The following FAM131B variants were observed in gnomAD, a reference collection of about 807,000 sequenced individuals.
The protein encoded by FAM131B is protein FAM131B.
A neutral mutation model predicts 42.0 loss-of-function variants in FAM131B; 19 were observed. That is an observed-to-expected ratio of 0.45 (90% confidence interval 0.32 to 0.66). FAM131B has a LOEUF of 0.66. Among genes scored for constraint, FAM131B ranks in the 30% least tolerant of loss-of-function variants. The probability of loss-of-function intolerance (pLI) is 0.05; values close to 1 mark genes in which losing one functional copy is unlikely to be tolerated. For missense variants in FAM131B, 370 were observed against 468.4 expected, an observed-to-expected ratio of 0.79 and a Z score of 1.94; for synonymous variants, 183 against 177.6, an observed-to-expected ratio of 1.03 and a Z score of -0.24.
chr7:143,381,553 C>T, the FAM131B span: 2 of 1,605,778 alleles, frequency 1.2e-6, no homozygotes, highest in Admixed American at 1.7e-5. Context: ...GCGACCCACC[C>T]CAGCAGCCCG....
Position 143,356,392 on chromosome 7 carries a change from T to C in FAM131B, c.*158A>G. 4 of 616,464 alleles carry C rather than the reference T, an allele frequency of 6.5e-6. No homozygotes were observed. Among genetic ancestry groups the C allele is most frequent in the Non-Finnish European group, 1.1e-5 (4 of 352,148 alleles). 38.2% of individuals were successfully genotyped at this position (616,464 alleles called of 1,614,324 possible). ...TTCTAGAGTGTAAGCCTGGATAAAATCCCATCCTGGTCCTCCATTTCCAGG... is the reference window on the plus strand; with the variant it reads ...TTCTAGAGTGTAAGCCTGGATAAAACCCCATCCTGGTCCTCCATTTCCAGG... On this transcript the variant is annotated 3_prime_UTR_variant, in exon 7 of 7. Coordinates refer to ENST00000443739, the MANE Select transcript of FAM131B (RefSeq NM_001031690.3). This position sits in a 1 kb window ranked among gnomAD's most constrained non-coding sequence, Gnocchi z 4.4.
the FAM131B span, chr7:143,381,697 G>A: frequency 6.2e-7 from 1 of 1,606,518 alleles, no homozygotes; most frequent in Non-Finnish European, 8.5e-7. Context: ...TCCGGCCCGG[G>A]GACAGCGAGC....
At chr7:143,360,570 G>A (rs920219008) in intron 1 of FAM131B, 2 of 232,568 alleles carry the variant, frequency 8.6e-6, no homozygotes, top group Non-Finnish European at 1.5e-5. Context: ...CTCCCCCGGT[G>A]GGCCCTTCCT....
rs150245659 is a variant in FAM131B at position 143,360,231 on chromosome 7, C to A, written c.29-82G>T. 1.4e-4 allele frequency: 223 copies of A among 1,539,450 alleles called. 1 individual carries two copies. In the African/African-American group the frequency reaches 2.8e-3, roughly 19 times the overall value. On this transcript the variant is annotated intron_variant, in intron 1 of 6. Transcript: ENST00000443739. Reference sequence around the variant, plus strand: ...CACCCTGGGGCCAGCCCTTCACACCCCTTCCTTACCCCAGCTGCCCATTTC... The same window carrying A: ...CACCCTGGGGCCAGCCCTTCACACCACTTCCTTACCCCAGCTGCCCATTTC...
In FAM131B at chr7:143,359,217, AG is replaced by A; in HGVS notation, c.268+108del. Reference sequence around the variant, plus strand: ...GGCTTGACAGAAGGGTGAATAGGTCAGGGGGTGGGGATGAGGGTCTTCATCA... The same window carrying A: ...GGCTTGACAGAAGGGTGAATAGGTCAGGGGTGGGGATGAGGGTCTTCATCA... On this transcript the variant is annotated intron_variant, in intron 4 of 6. Coordinates refer to ENST00000443739, the MANE Select transcript of FAM131B (RefSeq NM_001031690.3). This position sits in a 1 kb window ranked among gnomAD's most constrained non-coding sequence, Gnocchi z 5.4. 9.7e-7 allele frequency: 1 copy of A among 1,028,350 alleles called. No homozygotes were observed. The highest frequency in any genetic ancestry group is 1.5e-6 in the Non-Finnish European group (1 of 674,290). 63.7% of individuals were successfully genotyped at this position (1,028,350 alleles called of 1,614,324 possible).
the FAM131B span, chr7:143,380,439 G>C: frequency 1.0e-5 from 10 of 985,298 alleles, no homozygotes; most frequent in Non-Finnish European, 9.6e-6. The surrounding 1 kb of genome is among the most constrained non-coding windows in gnomAD (Gnocchi z 5.0). Flanking sequence ...CGTCGCCCGG[G>C]GTCTCCAAGA....
chr7:143,381,624 CT>C, the FAM131B span: 1 of 1,612,304 alleles, frequency 6.2e-7, no homozygotes. Context: ...TCGGCTCCGG[CT>C]TTTTACGCCC....
At position 143,354,332 on chromosome 7, in the gene FAM131B, T is replaced by C. The variant is rs1803559872; in HGVS notation, c.*2218A>G. The C allele has an allele frequency of 6.6e-6, 1 of 152,208 alleles. No homozygotes were observed. Among genetic ancestry groups the C allele is most frequent in the Non-Finnish European group, 1.5e-5 (1 of 68,054 alleles). The allele number at this position is 152,208 out of a possible 1,614,324, so 9.4% of individuals were successfully genotyped here. A position where few individuals can be genotyped will look rare whatever the true frequency, so the allele number is the denominator to read the frequency against. ...GGAACGAAAGCTGCTGTGGTCTACC[T>C]TTCCTAACTCCCCCGGGCCTGAGCA... On this transcript the variant is annotated 3_prime_UTR_variant, in exon 7 of 7. Coordinates refer to ENST00000443739, the MANE Select transcript of FAM131B (RefSeq NM_001031690.3).
rs897794481 is a variant in FAM131B, at chr7:143,357,421, C to T, written c.469G>A (p.Val157Ile). 21 of 1,604,512 alleles carry T rather than the reference C, an allele frequency of 1.3e-5. No homozygotes were observed. Among genetic ancestry groups the T allele is most frequent in the South Asian group, 3.3e-5 (3 of 89,560 alleles). Residue 157 changes from valine to isoleucine, a missense_variant and splice_region_variant, in exon 6 of 7, where the codon GTC becomes ATC. Val to Ile is a conservative substitution (Grantham distance 29). Transcript: ENST00000443739. Reference sequence around the variant, plus strand: ...TCAGAGATAGCAAACTGCTCCATGACGCCTGGGGGAAGAAATGCAACAACC... The same window carrying T: ...TCAGAGATAGCAAACTGCTCCATGATGCCTGGGGGAAGAAATGCAACAACC... ...GEKEARFLAG[V>I]MEQFAISEAT... is the part of the protein sequence containing the mutation.
At chr7:143,373,297 C>A in the FAM131B span, among the ~76,000 whole-genome samples, 1 of 152,056 alleles carries the variant, frequency 6.6e-6, no homozygotes, top group African/African-American at 2.4e-5. Flanking sequence ...GCAGGAGAAT[C>A]GCTTGAACTG....
In FAM131B at chr7:143,353,777, G is replaced by A. The variant is rs1586527747; in HGVS notation, c.*2773C>T. Reference sequence around the variant, plus strand: ...CCCTCTTCAACACAAGGACAAGAAGGAAGGTGTGTGGTGGGGGAGGGGACA... The same window carrying A: ...CCCTCTTCAACACAAGGACAAGAAGAAAGGTGTGTGGTGGGGGAGGGGACA... On this transcript the variant is annotated 3_prime_UTR_variant, in exon 7 of 7. Transcript: ENST00000443739. 1 of 152,492 alleles carries A rather than the reference G, an allele frequency of 6.6e-6. No homozygotes were observed. Among genetic ancestry groups the A allele is most frequent in the African/African-American group, 2.4e-5 (1 of 41,388 alleles). The allele number at this position is 152,492 out of a possible 1,614,324, so 9.4% of individuals were successfully genotyped here. A position where few individuals can be genotyped will look rare whatever the true frequency, so the allele number is the denominator to read the frequency against.
chr7:143,372,788 G>T, the FAM131B span, among the ~76,000 whole-genome samples: 1 of 151,844 alleles, frequency 6.6e-6, no homozygotes, highest in Non-Finnish European at 1.5e-5. Context: ...GTGAAACCTC[G>T]TCTCTACTAA....
chr7:143,380,665 C>T, the FAM131B span: 5 of 985,282 alleles, frequency 5.1e-6, no homozygotes, highest in Non-Finnish European at 6.0e-6. The surrounding 1 kb of genome is among the most constrained non-coding windows in gnomAD (Gnocchi z 5.0). Context: ...AGAGGCTGCC[C>T]AGCGTTGGAA....
In FAM131B at chr7:143,353,608, C is replaced by G. The variant is rs1803517976; in HGVS notation, c.*2942G>C. The stretch of plus-strand genomic sequence containing the variant: ...CTCTATAATATATGTCATAGAATCT[C>G]TCTTGGGCCTGGCGTGGGAATGTGA... On this transcript the variant is annotated 3_prime_UTR_variant, in exon 7 of 7. Transcript: ENST00000443739. The G allele has an allele frequency of 6.6e-6, 1 of 152,568 alleles. No individual in the cohort carries two copies. Among genetic ancestry groups the G allele is most frequent in the South Asian group, 2.1e-4 (1 of 4,824 alleles). 9.5% of individuals were successfully genotyped at this position (152,568 alleles called of 1,614,324 possible).
At chr7:143,381,182 G>A in the FAM131B span, 1 of 991,654 alleles carries the variant, frequency 1.0e-6, no homozygotes, top group Non-Finnish European at 1.2e-6. Context: ...CCTTCCTGGG[G>A]GAGTTTCCTG....
chr7:143,381,708 C>A, the FAM131B span: 2 of 1,604,092 alleles, frequency 1.2e-6, no homozygotes, highest in Non-Finnish European at 1.7e-6. Flanking sequence ...GACAGCGAGC[C>A]TCCCCCGGCA....
the FAM131B span, among the ~76,000 whole-genome samples, chr7:143,374,519 G>A: frequency 2.6e-5 from 4 of 152,226 alleles, no homozygotes; most frequent in South Asian, 8.3e-4. Flanking sequence ...CCCCTAAGGC[G>A]ACACTTTCAA....
At chr7:143,382,089 C>A in the FAM131B span, 2 of 659,530 alleles carry the variant, frequency 3.0e-6, no homozygotes, top group Non-Finnish European at 2.5e-6. Context: ...CTTTCCTGAC[C>A]TGGTACTCCC....
At chr7:143,366,461 A>G (rs1804183506), upstream of FAM131B, among the ~76,000 whole-genome samples, 1 of 152,144 alleles carries the variant, frequency 6.6e-6, no homozygotes, top group South Asian at 2.1e-4. Flanking sequence ...CTATTTGCTA[A>G]AGGCCAGAAG....
Sources: gnomAD v4.1 joint callset for allele counts (sites outside exome capture counted in the v4.1 genomes callset) on GRCh38, gnomAD v4.1.1 for gene constraint, Gnocchi (gnomAD v3.1) non-coding constraint, MANE v1.5 for transcripts, NCBI Gene and HGNC (gene_info 2026-07-23, HGNC 2026-07-21) for gene names.